CLUH: variants seen among roughly 807,000 people sequenced by gnomAD.
The protein encoded by CLUH is clustered mitochondria protein homolog.
CLUH carries 77 observed loss-of-function variants against 139.3 expected under a neutral mutation model. The observed-to-expected ratio is 0.55, with a 90% CI of 0.46 to 0.67. CLUH has a LOEUF of 0.67. Ranked by LOEUF, CLUH falls within the 30% of genes least tolerant of loss-of-function variation. CLUH has a pLI of 0.00. For missense variants in CLUH, 1,876 were observed against 1,875.8 expected (o/e 1.00, Z 0.00); for synonymous variants, 999 against 801.6 (o/e 1.25, Z -4.16).
In CLUH at chr17:2,691,871, T is replaced by C. The variant is rs907749640; in HGVS notation, c.3679A>G (p.Lys1227Glu). 1 of 1,543,802 alleles carries C rather than the reference T, an allele frequency of 6.5e-7. No individual in the cohort carries two copies. The highest frequency in any genetic ancestry group is 1.4e-5 in the African/African-American group (1 of 72,794). The change falls in exon 24 of 26, where the codon AAG becomes GAG. Residue 1227 changes from lysine (K) to glutamate (E), a missense_variant. Coordinates refer to ENST00000651024, the MANE Select transcript of CLUH (RefSeq NM_001366661.1). The stretch of plus-strand genomic sequence containing the variant: ...CACTTGAGGTACTCGGAGCTTTCCT[T>C]GGTCTTCTCATGGTCCTCGCCCAGC... ...TQLGEDHEKT[K>E]ESSEYLKCLT... is the part of the protein sequence containing the mutation.
Position 2,701,233 on chromosome 17 carries a change from G to T in CLUH, c.932C>A (p.Ala311Asp). The change falls in exon 7 of 26, where the codon GCC becomes GAC. Residue 311 changes from alanine to aspartate, a missense_variant. Physicochemically the swap from Ala to Asp is moderately radical, Grantham distance 126. Around this residue, in one of 3 missense-constraint regions of CLUH, gnomAD observed 270 missense variants for 354.7 expected, o/e 0.76. Transcript: ENST00000651024. ...GGAATGGCTTAGGAAGCGGGGGCTGGCGGGCTTGGGGTTGAAGTGATAAGC... is the reference window on the plus strand; with the variant it reads ...GGAATGGCTTAGGAAGCGGGGGCTGTCGGGCTTGGGGTTGAAGTGATAAGC... ...STAYHFNPKP[A>D]SPRFLSHSLV... 6.2e-7 allele frequency: 1 copy of T among 1,613,650 alleles called. No homozygotes were observed. Among genetic ancestry groups the T allele is most frequent in the South Asian group, 1.1e-5 (1 of 91,030 alleles).
At position 2,706,573 on chromosome 17, in the gene CLUH, G is replaced by A. The variant is rs1369063830; in HGVS notation, c.101-2009C>T. Among the ~76,000 whole-genome samples the A allele has an allele frequency of 3.3e-5, 5 of 152,170 alleles. No individual in the cohort carries two copies. On this transcript the variant is annotated intron_variant, in intron 1 of 25. Coordinates refer to ENST00000651024, the MANE Select transcript of CLUH (RefSeq NM_001366661.1). This position sits in a 1 kb window ranked among gnomAD's most constrained non-coding sequence, Gnocchi z 4.6. ...AGGATGTACAAAGACCTCCCTTCCA[G>A]GATCCAACCGCCCCAGGAAGGGCAC...
At chr17:2,700,132 G>A (rs1045463236) in intron 9 of CLUH, among the ~76,000 whole-genome samples, 1 of 152,262 alleles carries the variant, frequency 6.6e-6, no homozygotes, top group Non-Finnish European at 1.5e-5. Flanking sequence ...TGGACACTCA[G>A]TCCCTATGGG....
In CLUH at chr17:2,691,972, G is replaced by GC. The variant is rs752956639; in HGVS notation, c.3654+31dup. On this transcript the variant is annotated intron_variant, in intron 23 of 25. Transcript: ENST00000651024. Reference sequence around the variant, plus strand: ...CCCCGCCCCGCCACGCCCCCGCCCCGCCCCCGCCCCCGCCACGCCCCCGCC... The same window carrying GC: ...CCCCGCCCCGCCACGCCCCCGCCCCGCCCCCCGCCCCCGCCACGCCCCCGCC... The GC allele has an allele frequency of 2.9e-4, 234 of 799,776 alleles. 5 individuals are homozygous for GC. The East Asian group carries it at 3.4e-3, about 12-fold the overall frequency. The allele number at this position is 799,776 out of a possible 1,614,324, so 49.5% of individuals were successfully genotyped here. A position where few individuals can be genotyped will look rare whatever the true frequency, so the allele number is the denominator to read the frequency against.
At chr17:2,695,191 G>T in intron 15 of CLUH, 27 bp downstream of exon 15, 1 of 1,613,872 alleles carries the variant, frequency 6.2e-7, no homozygotes, top group Non-Finnish European at 8.5e-7. Context: ...GGAGGCCATG[G>T]CCAGCCGCAG....
chr17:2,693,908 A>C lies in CLUH; in HGVS notation c.3223T>G (p.Tyr1075Asp), dbSNP rs765327971. ...CACAGCCCAGAGGGTACCTCTGCGT[A>C]GTCGCCCATGATGTAGTGGAGGCGG... ...LARLHYIMGD[Y>D]AEALSNQQKA... Residue 1075 changes from tyrosine (Y) to aspartate (D), a missense_variant, in exon 19 of 26, where the codon TAC (tyrosine) becomes GAC (aspartate). Around this residue, in one of 3 missense-constraint regions of CLUH, gnomAD observed 1,454 missense variants for 1,384.4 expected, o/e 1.05. Transcript: ENST00000651024. The C allele has an allele frequency of 6.2e-7, 1 of 1,612,100 alleles. No individual in the cohort carries two copies. Among genetic ancestry groups the C allele is most frequent in the East Asian group, 2.2e-5 (1 of 44,822 alleles).
At chr17:2,700,656 G>A in intron 8 of CLUH, 22 bp downstream of exon 8, 1 of 1,517,612 alleles carries the variant, frequency 6.6e-7, no homozygotes, top group Non-Finnish European at 8.8e-7. Context: ...GCCCAGCGAG[G>A]GCAGGGCCAG....
rs751104037 is a variant in CLUH, at chr17:2,707,350, C to T, written c.101-2786G>A. 5.3e-5 allele frequency: 52 copies of T among 985,244 alleles called. No individual in the cohort carries two copies. Among genetic ancestry groups the T allele is most frequent in the Admixed American group, 6.2e-5 (1 of 16,260 alleles). The allele number at this position is 985,244 out of a possible 1,614,324, so 61.0% of individuals were successfully genotyped here. A position where few individuals can be genotyped will look rare whatever the true frequency, so the allele number is the denominator to read the frequency against. ...CCGGGGCTGGAGCTCCGGCTGGCTT[C>T]GGGTTTCAGTGGGGCCAGGCCTGCC... is the stretch of plus-strand genomic sequence containing the variant. On this transcript the variant is annotated intron_variant, in intron 1 of 25. Coordinates refer to ENST00000651024, the MANE Select transcript of CLUH (RefSeq NM_001366661.1). The surrounding 1 kb of genome is among the most constrained non-coding windows in gnomAD (Gnocchi z 7.4).
chr17:2,694,490 GT>G lies in CLUH; in HGVS notation c.2926del (p.Thr976GlnfsTer7). The G allele has an allele frequency of 6.3e-7, 1 of 1,579,384 alleles. No individual in the cohort carries two copies. The highest frequency in any genetic ancestry group is 8.6e-7 in the Non-Finnish European group (1 of 1,162,944). On this transcript the variant is annotated frameshift_variant, in exon 17 of 26. Transcript: ENST00000651024. LOFTEE classifies it high-confidence loss of function. ...ITLLREISLKTGIQVLLKEYS... is the reference protein window; with the variant it reads ...ITLLREISLKXGIQVLLKEYS... ...GTGAGCCATGCCCACCTGGATCCCTGTTTTCAGCGAGATCTCCCGCAGGAGC... is the reference window on the plus strand; with the variant it reads ...GTGAGCCATGCCCACCTGGATCCCTGTTTCAGCGAGATCTCCCGCAGGAGC...
rs754971966 is a variant in CLUH at position 2,690,559 on chromosome 17, G to C, written c.*35C>G. 36 of 1,415,644 alleles carry C rather than the reference G, an allele frequency of 2.5e-5. 1 individual carries two copies. In the Admixed American group the frequency reaches 3.9e-4, roughly 15 times the overall value. 87.7% of individuals were successfully genotyped at this position (1,415,644 alleles called of 1,614,324 possible). A position where few individuals can be genotyped will look rare whatever the true frequency, so the allele number is the denominator to read the frequency against. ...TCCCGCAGTCGGGCTCCCTGGTGAC[G>C]GGGCCGCTGGCTGGCTGTCCGTCTG... On this transcript the variant is annotated 3_prime_UTR_variant, in exon 26 of 26. Coordinates refer to ENST00000651024, the MANE Select transcript of CLUH (RefSeq NM_001366661.1).
At chr17:2,696,670 C>T in intron 11 of CLUH, 49 bp downstream of exon 11, 1 of 1,598,496 alleles carries the variant, frequency 6.3e-7, no homozygotes, top group South Asian at 1.1e-5. Context: ...ATAAGCCACC[C>T]TGGCAGGGCC....
rs2069570128 is a variant in CLUH, at chr17:2,690,280, G to T, written c.*314C>A. Reference sequence around the variant, plus strand: ...AGGAACGGTCAACACTCACAGCCAGGGGCGCACTCGCACACGCCGGCCGGA... The same window carrying T: ...AGGAACGGTCAACACTCACAGCCAGTGGCGCACTCGCACACGCCGGCCGGA... On this transcript the variant is annotated 3_prime_UTR_variant, in exon 26 of 26. Coordinates refer to ENST00000651024, the MANE Select transcript of CLUH (RefSeq NM_001366661.1). 1 of 335,358 alleles carries T rather than the reference G, an allele frequency of 3.0e-6. No homozygotes were observed. The highest frequency in any genetic ancestry group is 2.1e-5 in the African/African-American group (1 of 47,088). 20.8% of individuals were successfully genotyped at this position (335,358 alleles called of 1,614,324 possible).
chr17:2,691,574 A>C, intron 25 of CLUH, 35 bp downstream of exon 25: 663 of 1,588,524 alleles, frequency 4.2e-4, no homozygotes, highest in Non-Finnish European at 5.1e-4. Context: ...AAAAACCCCC[A>C]ACCGGGAGAC....
chr17:2,690,610 G>A lies in CLUH; in HGVS notation c.4031C>T (p.Pro1344Leu), dbSNP rs2069584313. 2.0e-6 allele frequency: 3 copies of A among 1,492,006 alleles called. No individual in the cohort carries two copies. Among genetic ancestry groups the A allele is most frequent in the Admixed American group, 5.2e-5 (2 of 38,778 alleles). The allele number at this position is 1,492,006 out of a possible 1,614,324, so 92.4% of individuals were successfully genotyped here. The change falls in exon 26 of 26, where the codon CCG (proline) becomes CTG (leucine). Residue 1344 changes from proline to leucine, a missense_variant. Pro to Leu is a moderately conservative substitution (Grantham distance 98). This residue lies in a region of CLUH where 1,454 missense variants were observed against 1,384.4 expected (regional missense o/e 1.05). Coordinates refer to ENST00000651024, the MANE Select transcript of CLUH (RefSeq NM_001366661.1). Reference protein sequence around the residue: ...SQPPAAKDPSPSVQG With the variant: ...SQPPAAKDPSLSVQG ...GCTCCCTCTCTATCCCTGCACGCTC[G>A]GAGAAGGGTCCTTGGCAGCCGGGGG...
Position 2,692,837 on chromosome 17 carries a change from C to T in CLUH, c.3255G>A (p.Ala1085=), listed in dbSNP as rs767895965. 9 of 1,601,502 alleles carry T rather than the reference C, an allele frequency of 5.6e-6. No individual in the cohort carries two copies. Among genetic ancestry groups the T allele is most frequent in the Admixed American group, 3.4e-5 (2 of 59,222 alleles). The change falls in exon 20 of 26, where the codon GCG becomes GCA. Residue 1085 remains alanine (A), a synonymous_variant. Coordinates refer to ENST00000651024, the MANE Select transcript of CLUH (RefSeq NM_001366661.1). Reference sequence around the variant, plus strand: ...CCATCACCCGCTCGCTCATCAGCACCGCCTTCTGCTGGTTACTCAGGGCCT... The same window carrying T: ...CCATCACCCGCTCGCTCATCAGCACTGCCTTCTGCTGGTTACTCAGGGCCT... The part of the protein sequence containing the change: ...YAEALSNQQK[A]VLMSERVMGT...
Position 2,698,032 on chromosome 17 carries a change from G to C in CLUH, c.1825C>G (p.Pro609Ala). 22 of 1,605,694 alleles carry C rather than the reference G, an allele frequency of 1.4e-5. No homozygotes were observed. The highest frequency in any genetic ancestry group is 1.9e-5 in the Non-Finnish European group (22 of 1,179,072). ...HYILDLLRTFPPDLNFLPVPG... is the reference protein window; with the variant it reads ...HYILDLLRTFAPDLNFLPVPG... ...ACGGGCAGGAAGTTGAGGTCCGGGG[G>C]GAAGGTGCGCAGCAGGTCGAGGATG... The change falls in exon 10 of 26, where the codon CCC (proline) becomes GCC (alanine). Residue 609 changes from proline to alanine, a missense_variant. Around this residue, in one of 3 missense-constraint regions of CLUH, gnomAD observed 1,454 missense variants for 1,384.4 expected, o/e 1.05. Transcript: ENST00000651024.
intron 10 of CLUH, among the ~76,000 whole-genome samples, 181 bp from the exon 11 acceptor site, chr17:2,697,123 G>A (rs1336468870): frequency 6.6e-6 from 1 of 152,234 alleles, no homozygotes; most frequent in Non-Finnish European, 1.5e-5. Context: ...AAGGCGGCCG[G>A]GCGTGGTGGC....
Position 2,693,904 on chromosome 17 carries a change from G to A in CLUH, c.3227C>T (p.Ala1076Val). The A allele has an allele frequency of 6.2e-7, 1 of 1,611,014 alleles. No homozygotes were observed. The highest frequency in any genetic ancestry group is 1.1e-5 in the South Asian group (1 of 90,632). ...ARLHYIMGDY[A>V]EALSNQQKAV... is the part of the protein sequence containing the mutation. ...CTGCCACAGCCCAGAGGGTACCTCTGCGTAGTCGCCCATGATGTAGTGGAG... is the reference window on the plus strand; with the variant it reads ...CTGCCACAGCCCAGAGGGTACCTCTACGTAGTCGCCCATGATGTAGTGGAG... Residue 1076 changes from alanine (A) to valine (V), a missense_variant, in exon 19 of 26, where the codon GCA becomes GTA. Physicochemically the swap from Ala to Val is moderately conservative, Grantham distance 64. Transcript: ENST00000651024.
At position 2,700,442 on chromosome 17, in the gene CLUH, C is replaced by A; in HGVS notation, c.1206G>T (p.Thr402=). ...TRDWNEELQT[T]RELPRKNLPE... ...GCAGGTTCTTGCGAGGCAGCTCCCT[C>A]GTCGTCTGCAGCTCCTCATTCCAGT... is the stretch of plus-strand genomic sequence containing the variant. Residue 402 remains threonine, a synonymous_variant, in exon 9 of 26, where the codon ACG becomes ACT. Coordinates refer to ENST00000651024, the MANE Select transcript of CLUH (RefSeq NM_001366661.1). 1.2e-6 allele frequency: 2 copies of A among 1,613,124 alleles called. No individual in the cohort carries two copies. Among genetic ancestry groups the A allele is most frequent in the Non-Finnish European group, 1.7e-6 (2 of 1,179,778 alleles).
Sources: gnomAD v4.1 joint callset for allele counts (sites outside exome capture counted in the v4.1 genomes callset) on GRCh38, gnomAD v4.1.1 for gene constraint, gnomAD v4.1.1 regional missense constraint, Gnocchi (gnomAD v3.1) non-coding constraint, MANE v1.5 for transcripts, NCBI Gene and HGNC (gene_info 2026-07-23, HGNC 2026-07-21) for gene names.